The following MYO3B variants were observed in gnomAD, a reference collection of about 807,000 sequenced individuals.
The protein encoded by MYO3B is myosin-IIIb.
In MYO3B, 156 loss-of-function variants were observed where a neutral mutation model predicts 174.6. The ratio of observed to expected loss-of-function variants is 0.89; its 90% CI spans 0.78 to 1.02. The LOEUF is 1.02. Ranked by LOEUF, MYO3B falls within the 50% of genes least tolerant of loss-of-function variation. MYO3B has a pLI of 0.00. For synonymous variants in MYO3B, 563 were observed against 569.1 expected, an observed-to-expected ratio of 0.99 and a Z score of 0.15; for missense variants, 1,632 against 1,639.4, an observed-to-expected ratio of 1.00 and a Z score of 0.08.
Position 170,466,580 on chromosome 2 carries a change from T to C in MYO3B, c.2883T>C (p.Asp961=), listed in dbSNP as rs1028606901. The C allele has an allele frequency of 6.2e-7, 1 of 1,614,220 alleles. No homozygotes were observed. The part of the protein sequence containing the change: ...PHFVRCIKPN[D]DREALQFSRE... ...TTGTGCGCTGCATTAAACCCAATGATGACCGAGAGGCCCTGCAGTTCTCTC... is the reference window on the plus strand; with the variant it reads ...TTGTGCGCTGCATTAAACCCAATGACGACCGAGAGGCCCTGCAGTTCTCTC... Residue 961 remains aspartate, a synonymous_variant, in exon 25 of 35, where the codon GAT becomes GAC. Transcript: ENST00000408978.
intron 32 of MYO3B, among the ~76,000 whole-genome samples, chr2:170,645,468 C>CAAA (rs55720994): frequency 2.1e-4 from 14 of 66,364 alleles, no homozygotes; most frequent in African/African-American, 3.1e-4. Context: ...GGCTCCGTCT[C>CAAA]AAAAAAAAAA....
chr2:170,547,948 T>A (rs946292360), intron 32 of MYO3B, among the ~76,000 whole-genome samples: 7 of 150,966 alleles, frequency 4.6e-5, no homozygotes, highest in African/African-American at 1.5e-4. Flanking sequence ...TCATTAAGAA[T>A]GTGAGGTTTG....
intron 22 of MYO3B, among the ~76,000 whole-genome samples, chr2:170,436,688 A>G (rs2094756833): frequency 6.6e-6 from 1 of 152,218 alleles, no homozygotes; most frequent in Admixed American, 6.5e-5. Context: ...TAAAAATGCA[A>G]ACAAATCTCT....
intron 32 of MYO3B, among the ~76,000 whole-genome samples, chr2:170,606,765 A>T (rs1222557733): frequency 6.6e-6 from 1 of 152,226 alleles, no homozygotes; most frequent in African/African-American, 2.4e-5. Context: ...TCACACCTGT[A>T]ATCCCAGCAC....
At chr2:170,538,800 G>A (rs1332220892) in intron 30 of MYO3B, among the ~76,000 whole-genome samples, 1 of 152,176 alleles carries the variant, frequency 6.6e-6, no homozygotes, top group Non-Finnish European at 1.5e-5. Context: ...CTTCCAAGAC[G>A]CCAATGGAGC....
At chr2:170,535,983 T>C (rs1270017001) in intron 30 of MYO3B, among the ~76,000 whole-genome samples, 1 of 152,244 alleles carries the variant, frequency 6.6e-6, no homozygotes, top group Non-Finnish European at 1.5e-5. Context: ...TGGGCAGCTG[T>C]CAGTTGAGTG....
chr2:170,596,323 G>A (rs909829751), intron 32 of MYO3B, among the ~76,000 whole-genome samples: 13 of 152,144 alleles, frequency 8.5e-5, no homozygotes, highest in Non-Finnish European at 1.3e-4. Context: ...AAAAGCTGTC[G>A]CTTCAGGTAG....
At chr2:170,352,021 C>G (rs7578695) in intron 8 of MYO3B, among the ~76,000 whole-genome samples, 3 of 152,086 alleles carry the variant, frequency 2.0e-5, no homozygotes. Context: ...GGCATGATCT[C>G]GGCTCACTGC....
At chr2:170,419,797 C>T (rs1400555688) in intron 22 of MYO3B, among the ~76,000 whole-genome samples, 1 of 152,144 alleles carries the variant, frequency 6.6e-6, no homozygotes, top group African/African-American at 2.4e-5. Flanking sequence ...GAGAGAAGAA[C>T]CCTCCAAGCC....
chr2:170,383,208 G>C lies in MYO3B; in HGVS notation c.1185+19G>C. ...TCCACAGGTAAGGGATGTTTTAAGAGCATACTGCTCCTTAATAGGAAATTA... is the reference window on the plus strand; with the variant it reads ...TCCACAGGTAAGGGATGTTTTAAGACCATACTGCTCCTTAATAGGAAATTA... On this transcript the variant is annotated intron_variant, in intron 11 of 34. Coordinates refer to ENST00000408978, the MANE Select transcript of MYO3B (RefSeq NM_138995.5). 3.6e-6 allele frequency: 5 copies of C among 1,402,714 alleles called. No individual in the cohort carries two copies. The highest frequency in any genetic ancestry group is 5.0e-6 in the Non-Finnish European group (5 of 991,198). 86.9% of individuals were successfully genotyped at this position (1,402,714 alleles called of 1,614,324 possible). A position where few individuals can be genotyped will look rare whatever the true frequency, so the allele number is the denominator to read the frequency against.
intron 32 of MYO3B, among the ~76,000 whole-genome samples, chr2:170,576,900 C>A (rs1330110317): frequency 5.9e-5 from 9 of 152,116 alleles, no homozygotes; most frequent in Non-Finnish European, 1.3e-4. Flanking sequence ...TTCTGTAAAC[C>A]TTTACTATTA....
At chr2:170,198,313 A>AAATTT (rs1301688243) in intron 1 of MYO3B, among the ~76,000 whole-genome samples, 3 of 151,684 alleles carry the variant, frequency 2.0e-5, no homozygotes, top group African/African-American at 7.3e-5. Context: ...CTTTTATGTG[A>AAATTT]CTCTGTTTAC....
intron 7 of MYO3B, among the ~76,000 whole-genome samples, chr2:170,265,975 C>T (rs1424133276): frequency 6.6e-6 from 1 of 152,070 alleles, no homozygotes; most frequent in Non-Finnish European, 1.5e-5. Context: ...TTTCTGTTCA[C>T]TTGTGGATGG....
intron 23 of MYO3B, 118 bp from the exon 24 acceptor site, chr2:170,463,250 T>A (rs1684418972): frequency 1.4e-6 from 1 of 728,388 alleles, no homozygotes; most frequent in East Asian, 2.6e-5. Context: ...CACTATTGTG[T>A]CCTAAATACC....
At chr2:170,606,054 C>T (rs1694787544) in intron 32 of MYO3B, among the ~76,000 whole-genome samples, 1 of 152,150 alleles carries the variant, frequency 6.6e-6, no homozygotes, top group African/African-American at 2.4e-5. Context: ...ATAACCATCA[C>T]CTCTGACCTG....
chr2:170,630,072 C>G (rs1391388572), intron 32 of MYO3B, among the ~76,000 whole-genome samples: 2 of 152,302 alleles, frequency 1.3e-5, no homozygotes, highest in African/African-American at 4.8e-5. Context: ...GTGGGTGCAG[C>G]CCATGGAGGG....
At chr2:170,508,204 T>G (rs966712592) in intron 28 of MYO3B, among the ~76,000 whole-genome samples, 1 of 152,236 alleles carries the variant, frequency 6.6e-6, no homozygotes, top group Non-Finnish European at 1.5e-5. Context: ...TTCTCCATTA[T>G]GAACCTTGTT....
intron 32 of MYO3B, among the ~76,000 whole-genome samples, chr2:170,607,680 A>G (rs531210772): frequency 1.3e-5 from 2 of 152,356 alleles, no homozygotes; most frequent in Non-Finnish European, 2.9e-5. Context: ...TCACCTGGTA[A>G]TAGCTAGCTA....
intron 7 of MYO3B, among the ~76,000 whole-genome samples, chr2:170,324,712 T>C (rs2093852629): frequency 6.6e-6 from 1 of 152,236 alleles, no homozygotes; most frequent in Admixed American, 6.5e-5. Context: ...TGGTGAACAT[T>C]TCTTCTTTGC....
Sources: allele counts gnomAD v4.1 joint callset (sites outside exome capture counted in the v4.1 genomes callset), GRCh38; gene constraint gnomAD v4.1.1; transcripts MANE v1.5; gene names NCBI Gene and HGNC (gene_info 2026-07-23, HGNC 2026-07-21).